Variants in HGS observed in about 807,000 individuals in gnomAD.
HGS encodes the protein human growth factor-regulated tyrosine kinase substrate.
HGS carries 63 observed loss-of-function variants against 109.7 expected under a neutral mutation model. That is an observed-to-expected ratio of 0.57 (90% confidence interval 0.47 to 0.71). HGS has a LOEUF of 0.71. Ranked by LOEUF, HGS falls within the 30% of genes least tolerant of loss-of-function variation. The pLI is 0.00. For synonymous variants in HGS, 546 were observed against 437.3 expected, an observed-to-expected ratio of 1.25 and a Z score of -3.10; for missense variants, 995 against 1,068.3, an observed-to-expected ratio of 0.93 and a Z score of 0.96.
chr17:81,691,950 G>T lies in HGS; in HGVS notation c.662+379G>T. Reference sequence around the variant, plus strand: ...AGCGGTGGGAACCTGCGGGGCCGCGGCCGGTGCCTCGGCGGTCGGTGTTTT... The same window carrying T: ...AGCGGTGGGAACCTGCGGGGCCGCGTCCGGTGCCTCGGCGGTCGGTGTTTT... On this transcript the variant is annotated intron_variant, in intron 8 of 21. Transcript: ENST00000329138. This position sits in a 1 kb window ranked among gnomAD's most constrained non-coding sequence, Gnocchi z 5.3. 1 of 192,472 alleles carries T rather than the reference G, an allele frequency of 5.2e-6. No homozygotes were observed. Among genetic ancestry groups the T allele is most frequent in the African/African-American group, 2.3e-5 (1 of 43,164 alleles). 11.9% of individuals were successfully genotyped at this position (192,472 alleles called of 1,614,324 possible). A position where few individuals can be genotyped will look rare whatever the true frequency, so the allele number is the denominator to read the frequency against.
At chr17:81,684,533 T>C (rs189575135) in intron 1 of HGS, 4 of 167,818 alleles carry the variant, frequency 2.4e-5, no homozygotes, top group African/African-American at 9.5e-5. Context: ...CAGTGTTCTC[T>C]CTGGGACCTT....
At position 81,696,717 on chromosome 17, in the gene HGS, G is replaced by C; in HGVS notation, c.1677G>C (p.Gln559His). ...QQKQTVQMRA[Q>H]MPAFPLPYAQ... ...AGCAGACGGTCCAGATGCGCGCGCA[G>C]ATGCCCGCCTTCCCCCTGCCCTACG... is the stretch of plus-strand genomic sequence containing the variant. The change falls in exon 17 of 22, where the codon CAG (glutamine) becomes CAC (histidine). Residue 559 changes from glutamine (Q) to histidine (H), a missense_variant. Gln to His is a conservative substitution (Grantham distance 24). Transcript: ENST00000329138. 1.9e-6 allele frequency: 3 copies of C among 1,608,484 alleles called. No individual in the cohort carries two copies. The highest frequency in any genetic ancestry group is 2.2e-5 in the South Asian group (2 of 90,924).
chr17:81,686,277 G>A lies in HGS; in HGVS notation c.123-35G>A, dbSNP rs200020539. On this transcript the variant is annotated intron_variant, in intron 2 of 21. Transcript: ENST00000329138. Reference sequence around the variant, plus strand: ...TAGTTGCTGAGACTATTTTTTTCCCGTTTTTCTCTGCTTTTATCAATGTTT... The same window carrying A: ...TAGTTGCTGAGACTATTTTTTTCCCATTTTTCTCTGCTTTTATCAATGTTT... 1.9e-5 allele frequency: 30 copies of A among 1,580,026 alleles called. No homozygotes were observed. In the Admixed American group the frequency reaches 3.9e-4, roughly 20 times the overall value.
intron 15 of HGS, 25 bp downstream of exon 15, chr17:81,696,024 C>A: frequency 6.5e-7 from 1 of 1,526,852 alleles, no homozygotes; most frequent in South Asian, 1.3e-5. Context: ...CACGGGGCCT[C>A]GGCTCAGGGG....
chr17:81,699,128 G>A (rs898417084), intron 18 of HGS, among the ~76,000 whole-genome samples: 2 of 151,858 alleles, frequency 1.3e-5, no homozygotes, highest in African/African-American at 2.4e-5. Context: ...CAATAGCACA[G>A]TTTTCTTTTG....
At chr17:81,699,406 G>C (rs939813601) in intron 18 of HGS, among the ~76,000 whole-genome samples, 1 of 152,148 alleles carries the variant, frequency 6.6e-6, no homozygotes, top group Admixed American at 6.5e-5. Flanking sequence ...TCCATTCTAG[G>C]ATTCTCCTCC....
chr17:81,695,647 G>A (rs76676999), intron 14 of HGS, 139 bp from the exon 15 acceptor site: 14,212 of 755,964 alleles, frequency 0.019, 170 homozygotes, highest in Non-Finnish European at 0.024. Context: ...TTCCTCAGCT[G>A]TAGAAGGGGC....
At chr17:81,690,321 G>A (rs779578084) in intron 6 of HGS, 87 bp downstream of exon 6, 58 of 1,371,250 alleles carry the variant, frequency 4.2e-5, no homozygotes, top group Middle Eastern at 3.7e-4. Context: ...TTGTTTGAGG[G>A]TTGGTGGCTG....
At position 81,693,633 on chromosome 17, in the gene HGS, ACCCT is replaced by A; in HGVS notation, c.742-17_742-14del. The A allele has an allele frequency of 6.7e-7, 1 of 1,492,160 alleles. No homozygotes were observed. Among genetic ancestry groups the A allele is most frequent in the Non-Finnish European group, 9.0e-7 (1 of 1,107,726 alleles). The allele number at this position is 1,492,160 out of a possible 1,614,324, so 92.4% of individuals were successfully genotyped here. A position where few individuals can be genotyped will look rare whatever the true frequency, so the allele number is the denominator to read the frequency against. On this transcript the variant is annotated splice_polypyrimidine_tract_variant and intron_variant, in intron 9 of 21. Coordinates refer to ENST00000329138, the MANE Select transcript of HGS (RefSeq NM_004712.5). ...CACCTCTTCCCCGGCGCCCCCCCTCACCCTCCCCGCTTGTCCTCAGCTGCCCCCC... is the reference window on the plus strand; with the variant it reads ...CACCTCTTCCCCGGCGCCCCCCCTCACCCCGCTTGTCCTCAGCTGCCCCCC...
intron 18 of HGS, among the ~76,000 whole-genome samples, chr17:81,699,250 TTGTC>T (rs1208786776): frequency 6.6e-6 from 1 of 152,218 alleles, no homozygotes; most frequent in Non-Finnish European, 1.5e-5. Context: ...AGTGTAACAT[TTGTC>T]TGTAGTTCTT....
intron 8 of HGS, chr17:81,693,014 T>TA (rs1007350108): frequency 2.6e-4 from 37 of 143,490 alleles, no homozygotes; most frequent in South Asian, 4.5e-4. Flanking sequence ...CTATCTCAAA[T>TA]AAAAAAAAAA....
intron 3 of HGS, 129 bp from the exon 4 acceptor site, chr17:81,686,874 G>C (rs1405646122): frequency 7.1e-6 from 5 of 704,116 alleles, no homozygotes; most frequent in East Asian, 2.7e-5. Context: ...GTCCCACCGG[G>C]TTCCCCACCG....
intron 20 of HGS, 89 bp downstream of exon 20, chr17:81,700,903 G>A: frequency 6.4e-6 from 10 of 1,558,376 alleles, no homozygotes; most frequent in Non-Finnish European, 8.8e-6. Flanking sequence ...GCAGGCACTG[G>A]GTGGGCTCCA....
Position 81,691,414 on chromosome 17 carries a change from C to A in HGS, c.538-33C>A, listed in dbSNP as rs370345192. The stretch of plus-strand genomic sequence containing the variant: ...GGTGGCGCATCAGGGTCCCCCAGTG[C>A]CTGTGACCAGGCCCGCCCGCCCCAT... On this transcript the variant is annotated intron_variant, in intron 7 of 21. Coordinates refer to ENST00000329138, the MANE Select transcript of HGS (RefSeq NM_004712.5). The surrounding 1 kb of genome is among the most constrained non-coding windows in gnomAD (Gnocchi z 5.3). The A allele has an allele frequency of 1.9e-5, 31 of 1,612,290 alleles. No individual in the cohort carries two copies. The highest frequency in any genetic ancestry group is 2.6e-5 in the Non-Finnish European group (31 of 1,179,564).
chr17:81,686,321 T>C lies in HGS; in HGVS notation c.132T>C (p.Tyr44=). 6.2e-7 allele frequency: 1 copy of C among 1,613,512 alleles called. No homozygotes were observed. The highest frequency in any genetic ancestry group is 8.5e-7 in the Non-Finnish European group (1 of 1,179,828). The stretch of plus-strand genomic sequence containing the variant: ...AATGTTTCCTTTTCAGAGCAAAATA[T>C]GCTGTGAATTCCATCAAGAAGAAAG... ...LIRQGDTQAK[Y]AVNSIKKKVN... is the part of the protein sequence containing the mutation. The change falls in exon 3 of 22, where the codon TAT becomes TAC. Residue 44 remains tyrosine (Y), a synonymous_variant. Coordinates refer to ENST00000329138, the MANE Select transcript of HGS (RefSeq NM_004712.5).
chr17:81,690,755 C>G lies in HGS; in HGVS notation c.537+13C>G. The G allele has an allele frequency of 2.5e-6, 4 of 1,610,088 alleles. No homozygotes were observed. The highest frequency in any genetic ancestry group is 3.4e-6 in the Non-Finnish European group (4 of 1,178,084). ...GATGACCCGTAAGGTGAGTTCCCACCTGGGGGGCTCTACAGCCCCGGCCAG... is the reference window on the plus strand; with the variant it reads ...GATGACCCGTAAGGTGAGTTCCCACGTGGGGGGCTCTACAGCCCCGGCCAG... On this transcript the variant is annotated intron_variant, in intron 7 of 21. Coordinates refer to ENST00000329138, the MANE Select transcript of HGS (RefSeq NM_004712.5).
chr17:81,699,666 C>G (rs1162454935), intron 18 of HGS, among the ~76,000 whole-genome samples: 1 of 151,948 alleles, frequency 6.6e-6, no homozygotes, highest in African/African-American at 2.4e-5. Flanking sequence ...CATCATGATC[C>G]GCCTGCCTCG....
At position 81,697,007 on chromosome 17, in the gene HGS, G is replaced by A. The variant is rs773994634; in HGVS notation, c.1882+9G>A. The A allele has an allele frequency of 2.0e-5, 31 of 1,558,664 alleles. No homozygotes were observed. Among genetic ancestry groups the A allele is most frequent in the Middle Eastern group, 1.7e-4 (1 of 5,876 alleles). ...GCCCAGCACTGCGGCTGGTAAGGAC[G>A]GGTCGGGGCAGAGACCATGCCTTTT... On this transcript the variant is annotated intron_variant, in intron 18 of 21. Transcript: ENST00000329138.
Position 81,694,907 on chromosome 17 carries a change from C to A in HGS, c.976-17C>A. On this transcript the variant is annotated splice_polypyrimidine_tract_variant and intron_variant, in intron 12 of 21. Coordinates refer to ENST00000329138, the MANE Select transcript of HGS (RefSeq NM_004712.5). ...CACGGTTTCTGGCCTTGGGAGTGAC[C>A]CCCTCATTGCCTGCAGCTCGCACGG... The A allele has an allele frequency of 6.2e-7, 1 of 1,614,210 alleles. No individual in the cohort carries two copies. The highest frequency in any genetic ancestry group is 1.3e-5 in the African/African-American group (1 of 75,066).
Sources: gnomAD v4.1 joint callset for allele counts (sites outside exome capture counted in the v4.1 genomes callset) on GRCh38, gnomAD v4.1.1 for gene constraint, Gnocchi (gnomAD v3.1) non-coding constraint, MANE v1.5 for transcripts, NCBI Gene and HGNC (gene_info 2026-07-23, HGNC 2026-07-21) for gene names.